The following ENTPD1 variants were observed in gnomAD, a reference collection of about 807,000 sequenced individuals.
ENTPD1 encodes the protein ectonucleoside triphosphate diphosphohydrolase 1.
A neutral mutation model predicts 57.0 loss-of-function variants in ENTPD1; 33 were observed. The observed-to-expected ratio is 0.58, with a 90% CI of 0.44 to 0.77. The LOEUF is 0.77. ENTPD1 is among the 30% of genes least tolerant of loss of function. The pLI is 0.00. For synonymous variants in ENTPD1, 202 were observed against 218.8 expected, an observed-to-expected ratio of 0.92 and a Z score of 0.68; for missense variants, 501 against 603.4, an observed-to-expected ratio of 0.83 and a Z score of 1.78.
At chr10:95,736,706 A>C (rs1031428935) in intron 1 of ENTPD1, among the ~76,000 whole-genome samples, 1 of 152,220 alleles carries the variant, frequency 6.6e-6, no homozygotes, top group African/African-American at 2.4e-5. Flanking sequence ...CTTTATGAGC[A>C]AATGACCCTC....
chr10:95,867,415 G>T lies in ENTPD1; in HGVS notation c.*1032G>T, dbSNP rs755598280. 185 of 985,292 alleles carry T rather than the reference G, an allele frequency of 1.9e-4. No homozygotes were observed. Among genetic ancestry groups the T allele is most frequent in the Non-Finnish European group, 2.1e-4 (178 of 829,938 alleles). 61.0% of individuals were successfully genotyped at this position (985,292 alleles called of 1,614,324 possible). On this transcript the variant is annotated 3_prime_UTR_variant, in exon 10 of 10. Transcript: ENST00000371205. ...TAGATCTTTTGTGTTTACAGCTATG[G>T]AAACCAACTGTACCATAAAGATAGT...
At chr10:95,760,489 C>T (rs926865943) in intron 1 of ENTPD1, among the ~76,000 whole-genome samples, 6 of 152,152 alleles carry the variant, frequency 3.9e-5, no homozygotes, top group Admixed American at 1.3e-4. Flanking sequence ...CACTATGGGT[C>T]GTGTAATCAA....
At chr10:95,793,444 C>T (rs1033810639) in intron 1 of ENTPD1, among the ~76,000 whole-genome samples, 2 of 152,270 alleles carry the variant, frequency 1.3e-5, no homozygotes, top group South Asian at 4.1e-4. Flanking sequence ...CACTGTATCC[C>T]TAAAAGGCCT....
chr10:95,797,393 G>A (rs923635599), intron 1 of ENTPD1, among the ~76,000 whole-genome samples: 2 of 152,132 alleles, frequency 1.3e-5, no homozygotes, highest in East Asian at 3.8e-4. Context: ...ATAAAGACTG[G>A]GGACTTGTCA....
At chr10:95,857,737 T>TA (rs776317274) in intron 7 of ENTPD1, among the ~76,000 whole-genome samples, 3 of 152,186 alleles carry the variant, frequency 2.0e-5, no homozygotes, top group Non-Finnish European at 4.4e-5. Context: ...AAGTGCCATG[T>TA]TAGTGAGGGC....
At chr10:95,859,926 AATT>A (rs1356115775) in intron 7 of ENTPD1, among the ~76,000 whole-genome samples, 1 of 152,146 alleles carries the variant, frequency 6.6e-6, no homozygotes, top group Non-Finnish European at 1.5e-5. Context: ...ATTTTTAAAA[AATT>A]TCAGTTGTGT....
rs555492542 is a variant in ENTPD1, at chr10:95,760,333, G to C, written c.16+4078G>C. Among the ~76,000 whole-genome samples the C allele has an allele frequency of 4.7e-4, 72 of 152,316 alleles. 2 individuals carry two copies. The highest frequency in any genetic ancestry group is 4.7e-3 in the Admixed American group (72 of 15,302). On this transcript the variant is annotated intron_variant, in intron 1 of 9. Coordinates refer to ENST00000371205, the MANE Select transcript of ENTPD1 (RefSeq NM_001776.6). ...GGCAAGCCCCTTCACCCTCCCAGCA[G>C]TGCTTGAAGATCTTTTCTCTCTTTT...
chr10:95,740,332 C>G (rs61522065), intron 1 of ENTPD1, among the ~76,000 whole-genome samples: 1 of 152,276 alleles, frequency 6.6e-6, no homozygotes, highest in African/African-American at 2.4e-5. Flanking sequence ...ACCATGTTGG[C>G]CAGGCTGGGC....
chr10:95,844,661 G>A (rs1355116860), intron 5 of ENTPD1, 26 bp downstream of exon 5: 13 of 1,613,814 alleles, frequency 8.1e-6, no homozygotes, highest in Non-Finnish European at 1.0e-5. Context: ...CATCCATGGA[G>A]GTGGCTCTCT....
In ENTPD1 at chr10:95,870,410, G is replaced by A; in HGVS notation, c.*4027G>A. The A allele has an allele frequency of 4.2e-6, 3 of 714,878 alleles. No individual in the cohort carries two copies. Among genetic ancestry groups the A allele is most frequent in the Non-Finnish European group, 5.1e-6 (3 of 583,334 alleles). The allele number at this position is 714,878 out of a possible 1,614,324, so 44.3% of individuals were successfully genotyped here. A position where few individuals can be genotyped will look rare whatever the true frequency, so the allele number is the denominator to read the frequency against. ...AGCAAGGCTACAGGTGTGCACCTAAGTAGCTAGGACTACAGGTGTGCACCA... is the reference window on the plus strand; with the variant it reads ...AGCAAGGCTACAGGTGTGCACCTAAATAGCTAGGACTACAGGTGTGCACCA... On this transcript the variant is annotated 3_prime_UTR_variant, in exon 10 of 10. Transcript: ENST00000371205.
At chr10:95,858,658 G>C (rs2098459922) in intron 7 of ENTPD1, among the ~76,000 whole-genome samples, 1 of 152,152 alleles carries the variant, frequency 6.6e-6, no homozygotes, top group Non-Finnish European at 1.5e-5. Context: ...GATAATGGAA[G>C]TGCTGGAATT....
In ENTPD1 at chr10:95,713,253, C is replaced by A. The variant is rs535043273; in HGVS notation, c.37+1260C>A. Among the ~76,000 whole-genome samples, 7 of 152,086 alleles carry A rather than the reference C, an allele frequency of 4.6e-5. 1 individual carries two copies. Among genetic ancestry groups the A allele is most frequent in the Non-Finnish European group, 8.8e-5 (6 of 68,018 alleles). ...TTGAGTCACTACTGGAATTTGTAAA[C>A]CATTGGAAATTCTAATCATCAGTGG... is the stretch of plus-strand genomic sequence containing the variant. On this transcript the variant is annotated intron_variant, in intron 1 of 9. Transcript: ENST00000453258.
intron 1 of ENTPD1, among the ~76,000 whole-genome samples, chr10:95,813,089 A>G (rs1005204487): frequency 6.6e-5 from 10 of 152,186 alleles, no homozygotes; most frequent in African/African-American, 2.2e-4. Context: ...CAGAAATACA[A>G]TTTACAAATT....
chr10:95,828,958 G>A (rs941747183), intron 2 of ENTPD1, among the ~76,000 whole-genome samples: 3 of 152,024 alleles, frequency 2.0e-5, no homozygotes, highest in Non-Finnish European at 4.4e-5. Context: ...TGATCTGCCC[G>A]CCTCGGCCTC....
chr10:95,837,956 T>TCACACACACA (rs142329357), intron 2 of ENTPD1, among the ~76,000 whole-genome samples: 6,387 of 146,846 alleles, frequency 0.043, 171 homozygotes, highest in Middle Eastern at 0.056. Flanking sequence ...GTAGGGAGAT[T>TCACACACACA]CACACACACA....
At position 95,739,229 on chromosome 10, in the gene ENTPD1, T is replaced by C. The variant is rs183202286; in HGVS notation, c.37+27236T>C. ...GGTGGTTGCCGAAGGTTGGGGTGGC[T>C]GTGGCAATTTCTTAAAAGAAGACAA... On this transcript the variant is annotated intron_variant, in intron 1 of 9. Transcript: ENST00000453258. Among the ~76,000 whole-genome samples the C allele has an allele frequency of 7.2e-5, 11 of 152,332 alleles. No homozygotes were observed. In the East Asian group the frequency reaches 1.9e-3, roughly 27 times the overall value.
intron 1 of ENTPD1, among the ~76,000 whole-genome samples, chr10:95,776,443 C>A (rs10786233): frequency 0.23 from 35,361 of 152,072 alleles, 4,878 homozygotes; most frequent in African/African-American, 0.38. Context: ...AAATTCTTTT[C>A]TTTAAGAATG....
intron 8 of ENTPD1, 120 bp from the exon 9 acceptor site, chr10:95,864,604 A>T (rs2098470796): frequency 1.4e-6 from 2 of 1,397,590 alleles, no homozygotes; most frequent in Non-Finnish European, 2.0e-6. Flanking sequence ...GAAGAGGCCA[A>T]CCTTCAGGTG....
intron 1 of ENTPD1, among the ~76,000 whole-genome samples, chr10:95,732,604 C>T (rs1338676255): frequency 6.6e-6 from 1 of 152,080 alleles, no homozygotes; most frequent in Non-Finnish European, 1.5e-5. Flanking sequence ...CAGACTCTTC[C>T]CTTATCAGGG....
Sources: allele counts gnomAD v4.1 joint callset (sites outside exome capture counted in the v4.1 genomes callset), GRCh38; gene constraint gnomAD v4.1.1; transcripts MANE v1.5; gene names NCBI Gene and HGNC (gene_info 2026-07-23, HGNC 2026-07-21).